HSPH1: variants seen among roughly 807,000 people sequenced by gnomAD.
HSPH1 encodes the protein heat shock protein family H (Hsp110) member 1.
Under a neutral mutation model 100.0 loss-of-function variants are expected in HSPH1, and 40 were observed. That is an observed-to-expected ratio of 0.40 (90% CI 0.31 to 0.52). HSPH1 has a LOEUF of 0.52. Among genes scored for constraint, HSPH1 ranks in the 20% least tolerant of loss-of-function variants. HSPH1 has a pLI of 0.54. For synonymous variants in HSPH1, 403 were observed against 344.0 expected (o/e 1.17, Z -1.90); for missense variants, 876 against 1,015.1 (o/e 0.86, Z 1.86).
At position 31,147,994 on chromosome 13, in the gene HSPH1, T is replaced by C; in HGVS notation, c.1343A>G (p.Asp448Gly). The change falls in exon 10 of 18, where the codon GAT (aspartate) becomes GGT (glycine). Residue 448 changes from aspartate to glycine, a missense_variant. Physicochemically the swap from Asp to Gly is moderately conservative, Grantham distance 94 (BLOSUM62 -1). Transcript: ENST00000320027. ...TTCTGGATATGGAACTCCTTGGGGA[T>C]CAGAATAGAAAGCTTCTAGCTCAAA... ...GPFELEAFYS[D>G]PQGVPYPEAK... The C allele has an allele frequency of 6.2e-7, 1 of 1,606,316 alleles. No individual in the cohort carries two copies. Among genetic ancestry groups the C allele is most frequent in the East Asian group, 2.2e-5 (1 of 44,758 alleles).
At chr13:31,162,181 TAAAAC>T (rs901561096), upstream of HSPH1, 37 of 1,183,876 alleles carry the variant, frequency 3.1e-5, no homozygotes, top group African/African-American at 5.2e-4. Flanking sequence ...GCTGCCCTAA[TAAAAC>T]AGGCAACGAA....
chr13:31,161,153 C>G (rs575581447), intron 1 of HSPH1, among the ~76,000 whole-genome samples: 1 of 152,328 alleles, frequency 6.6e-6, no homozygotes, highest in East Asian at 1.9e-4. Context: ...AGCGAAGTTG[C>G]GGGCTTTGCC....
rs1330229475 is a variant in HSPH1, at chr13:31,135,916, GTAA to G, written c.*1399_*1401del. On this transcript the variant is annotated 3_prime_UTR_variant, in exon 18 of 18. Transcript: ENST00000320027. ...GGCTGGGCATGGTGGCTCACACCAT[GTAA>G]TCCCAGCACTTTGGGAGGCTGAGGC... 5.9e-5 allele frequency: 9 copies of G among 152,114 alleles called. No homozygotes were observed. Among genetic ancestry groups the G allele is most frequent in the Admixed American group, 2.6e-4 (4 of 15,270 alleles). 9.4% of individuals were successfully genotyped at this position (152,114 alleles called of 1,614,324 possible).
At chr13:31,137,560 A>G in intron 17 of HSPH1, 36 bp from the exon 18 acceptor site, 1 of 1,488,790 alleles carries the variant, frequency 6.7e-7, no homozygotes, top group Non-Finnish European at 9.2e-7. Context: ...AGATTAACTC[A>G]GATCCATCCA....
intron 12 of HSPH1, 29 bp from the exon 13 acceptor site, chr13:31,141,288 A>C: frequency 1.3e-6 from 2 of 1,557,776 alleles, no homozygotes; most frequent in Non-Finnish European, 1.7e-6. Flanking sequence ...AAAAGGAAAA[A>C]ATTTTAAACA....
intron 11 of HSPH1, 49 bp from the exon 12 acceptor site, chr13:31,143,972 T>A (rs765880974): frequency 6.9e-7 from 1 of 1,442,762 alleles, no homozygotes; most frequent in Non-Finnish European, 9.2e-7. Context: ...GGTGTACTTG[T>A]ATAAATTTTT....
chr13:31,161,325 G>A (rs200788991), intron 1 of HSPH1, 151 bp downstream of exon 1: 1 of 1,366,950 alleles, frequency 7.3e-7, no homozygotes, highest in South Asian at 1.4e-5. Flanking sequence ...TCCTCTGGCC[G>A]GGTCGCTGGT....
chr13:31,162,015 C>A, upstream of HSPH1: 1 of 1,536,178 alleles, frequency 6.5e-7, no homozygotes, highest in East Asian at 2.4e-5. Context: ...CGTGCCACTT[C>A]CGCTTCCTTC....
Position 31,158,823 on chromosome 13 carries a change from C to T in HSPH1, c.148G>A (p.Val50Ile). 1 of 1,605,890 alleles carries T rather than the reference C, an allele frequency of 6.2e-7. No individual in the cohort carries two copies. Among genetic ancestry groups the T allele is most frequent in the Non-Finnish European group, 8.5e-7 (1 of 1,172,716 alleles). Residue 50 changes from valine to isoleucine, a missense_variant, in exon 2 of 18, where the codon GTT becomes ATT. Physicochemically the swap from Val to Ile is conservative, Grantham distance 29. Transcript: ENST00000320027. ...GAACATACCTGATTTTTGGCTGCAACTCCGATTGTTCTATTTTTTGATCCA... is the reference window on the plus strand; with the variant it reads ...GAACATACCTGATTTTTGGCTGCAATTCCGATTGTTCTATTTTTTGATCCA... ...SFGSKNRTIG[V>I]AAKNQQITHA... is the part of the protein sequence containing the mutation.
chr13:31,139,142 G>C (rs200800025), intron 14 of HSPH1, 35 bp from the exon 15 acceptor site: 13 of 1,284,144 alleles, frequency 1.0e-5, no homozygotes, highest in Non-Finnish European at 1.4e-5. Flanking sequence ...AGTGGCACTC[G>C]TACTTCAGAA....
Position 31,136,152 on chromosome 13 carries a change from T to C in HSPH1, c.*1166A>G, listed in dbSNP as rs1265538143. ...ACAACCAGATAGATTCATTGCAGCA[T>C]TATTTAGAACAGCAAAAATGAGAAA... On this transcript the variant is annotated 3_prime_UTR_variant, in exon 18 of 18. Coordinates refer to ENST00000320027, the MANE Select transcript of HSPH1 (RefSeq NM_006644.4). 2.0e-5 allele frequency: 3 copies of C among 152,352 alleles called. No individual in the cohort carries two copies. The highest frequency in any genetic ancestry group is 7.2e-5 in the African/African-American group (3 of 41,584). 9.4% of individuals were successfully genotyped at this position (152,352 alleles called of 1,614,324 possible).
chr13:31,143,298 G>A (rs1956162894), intron 12 of HSPH1, among the ~76,000 whole-genome samples: 1 of 152,022 alleles, frequency 6.6e-6, no homozygotes, highest in African/African-American at 2.4e-5. Context: ...TGTGGAAGCA[G>A]GACAAAAAAA....
In HSPH1 at chr13:31,143,689, C is replaced by A. The variant is rs903889696; in HGVS notation, c.1716+103G>T. The A allele has an allele frequency of 6.8e-6, 7 of 1,035,638 alleles. No homozygotes were observed. In the South Asian group the frequency reaches 1.1e-4, roughly 17 times the overall value. 64.2% of individuals were successfully genotyped at this position (1,035,638 alleles called of 1,614,324 possible). On this transcript the variant is annotated intron_variant, in intron 12 of 17. Transcript: ENST00000320027. ...CAACAGAAAAAAATCCTACACAGAA[C>A]GAAATCAATTGGTGCTTGCTCTTGA...
chr13:31,143,238 A>G lies in HSPH1; in HGVS notation c.1716+554T>C, dbSNP rs1295199926. Among the ~76,000 whole-genome samples, 3 of 152,108 alleles carry G rather than the reference A, an allele frequency of 2.0e-5. No individual in the cohort carries two copies. In the East Asian group the frequency reaches 5.8e-4, roughly 29 times the overall value. On this transcript the variant is annotated intron_variant, in intron 12 of 17. Coordinates refer to ENST00000320027, the MANE Select transcript of HSPH1 (RefSeq NM_006644.4). ...CTTAAAGGTTTGATTACAAACTGTCATTTTCCAAGGCACACAACATCACTA... is the reference window on the plus strand; with the variant it reads ...CTTAAAGGTTTGATTACAAACTGTCGTTTTCCAAGGCACACAACATCACTA...
intron 7 of HSPH1, 111 bp from the exon 8 acceptor site, chr13:31,150,293 T>G: frequency 1.4e-6 from 1 of 709,154 alleles, no homozygotes; most frequent in Non-Finnish European, 2.4e-6. Flanking sequence ...GGATCCCACA[T>G]GGGCCAAGTT....
At chr13:31,160,984 A>G (rs753831458) in intron 1 of HSPH1, among the ~76,000 whole-genome samples, 5 of 152,188 alleles carry the variant, frequency 3.3e-5, no homozygotes, top group Non-Finnish European at 7.3e-5. Flanking sequence ...GAGATTCACA[A>G]TGCGGAAGAA....
chr13:31,138,674 A>C, intron 16 of HSPH1, 106 bp from the exon 17 acceptor site: 4 of 1,520,548 alleles, frequency 2.6e-6, no homozygotes, highest in Non-Finnish European at 3.5e-6. Context: ...CTAACCTCAA[A>C]TACCAAAATT....
chr13:31,146,103 T>C (rs1466580332), intron 10 of HSPH1, among the ~76,000 whole-genome samples: 1 of 152,100 alleles, frequency 6.6e-6, no homozygotes, highest in East Asian at 1.9e-4. Context: ...TCACTGCACT[T>C]CAGCCTGGTG....
chr13:31,158,925 G>A (rs912402319), intron 1 of HSPH1, 62 bp from the exon 2 acceptor site: 1 of 1,010,192 alleles, frequency 9.9e-7, no homozygotes, highest in South Asian at 1.3e-5. Flanking sequence ...AAACTGATAA[G>A]AGAAAAATAC....
Sources: allele counts gnomAD v4.1 joint callset (sites outside exome capture counted in the v4.1 genomes callset), GRCh38; gene constraint gnomAD v4.1.1; transcripts MANE v1.5; gene names NCBI Gene and HGNC (gene_info 2026-07-23, HGNC 2026-07-21).